The following FMN1 variants were observed in gnomAD, a reference collection of about 807,000 sequenced individuals.
FMN1 encodes the protein formin 1.
In FMN1, 110 loss-of-function variants were observed where a neutral mutation model predicts 132.4. The observed-to-expected ratio is 0.83, with a 90% CI of 0.71 to 0.97. The LOEUF (loss-of-function observed/expected upper bound fraction) is 0.97. FMN1 is among the 50% of genes least tolerant of loss of function. The pLI is 0.00. For synonymous variants in FMN1, 722 were observed against 651.7 expected, an observed-to-expected ratio of 1.11 and a Z score of -1.64; for missense variants, 1,792 against 1,705.3, an observed-to-expected ratio of 1.05 and a Z score of -0.90.
intron 4 of FMN1, among the ~76,000 whole-genome samples, chr15:33,115,036 G>A (rs1349388755): frequency 1.3e-5 from 2 of 152,072 alleles, no homozygotes; most frequent in African/African-American, 2.4e-5. Flanking sequence ...GAGTCCTCAA[G>A]ACTTCATCTA....
At chr15:33,027,388 T>C (rs1471657821) in intron 6 of FMN1, among the ~76,000 whole-genome samples, 3 of 152,222 alleles carry the variant, frequency 2.0e-5, no homozygotes. Flanking sequence ...AATTACTCAT[T>C]CACTCAGTTC....
chr15:33,156,273 GT>G (rs59517614), intron 3 of FMN1, among the ~76,000 whole-genome samples: 2,442 of 87,178 alleles, frequency 0.028, 52 homozygotes, highest in African/African-American at 0.057. Context: ...CACTCAAGTA[GT>G]TTTTTTTTTT....
At chr15:32,872,381 AGCAAAG>A (rs1249320327) in intron 16 of FMN1, among the ~76,000 whole-genome samples, 1 of 152,266 alleles carries the variant, frequency 6.6e-6, no homozygotes, top group African/African-American at 2.4e-5. Flanking sequence ...GTTAAAAGTC[AGCAAAG>A]GCAGAGCAAA....
At chr15:32,882,833 G>A (rs898084160) in intron 16 of FMN1, among the ~76,000 whole-genome samples, 5 of 152,148 alleles carry the variant, frequency 3.3e-5, no homozygotes, top group African/African-American at 7.2e-5. Flanking sequence ...TGCTTCCTAA[G>A]ATAATATCAA....
intron 3 of FMN1, among the ~76,000 whole-genome samples, chr15:33,166,742 A>AT (rs1339479656): frequency 6.6e-6 from 1 of 152,188 alleles, no homozygotes; most frequent in African/African-American, 2.4e-5. Context: ...ATCCAGCGTT[A>AT]TTTCACGAAA....
chr15:33,018,875 T>G (rs1476784471), intron 6 of FMN1, among the ~76,000 whole-genome samples: 1 of 152,174 alleles, frequency 6.6e-6, no homozygotes, highest in African/African-American at 2.4e-5. Context: ...CTGGAGTTGT[T>G]CGATCCTCCG....
At chr15:32,914,196 T>A (rs188840162) in intron 10 of FMN1, among the ~76,000 whole-genome samples, 134 of 152,348 alleles carry the variant, frequency 8.8e-4, no homozygotes, top group African/African-American at 2.5e-3. Context: ...TTTAAATAGC[T>A]GTATCTCCTT....
intron 4 of FMN1, among the ~76,000 whole-genome samples, chr15:33,142,376 C>T (rs569766545): frequency 6.6e-6 from 1 of 152,284 alleles, no homozygotes; most frequent in Middle Eastern, 3.4e-3. Flanking sequence ...TTCCATTTAA[C>T]TTAGGAAAAT....
At chr15:33,135,736 A>G (rs1020294805) in intron 4 of FMN1, among the ~76,000 whole-genome samples, 1 of 152,204 alleles carries the variant, frequency 6.6e-6, no homozygotes, top group Non-Finnish European at 1.5e-5. Flanking sequence ...TGTTCTTAAA[A>G]TATACTACTT....
chr15:33,046,806 T>C (rs1319051782), intron 6 of FMN1, among the ~76,000 whole-genome samples: 1 of 151,668 alleles, frequency 6.6e-6, no homozygotes, highest in Non-Finnish European at 1.5e-5. Context: ...TTATCCCCTG[T>C]AAACTTTTGA....
intron 6 of FMN1, among the ~76,000 whole-genome samples, chr15:33,010,932 T>C (rs1016889830): frequency 1.2e-4 from 18 of 151,618 alleles, no homozygotes; most frequent in African/African-American, 4.4e-4. Context: ...GAAAGACAAG[T>C]GGGCAAGCCA....
At chr15:32,774,944 G>GT (rs1254360254) in intron 20 of FMN1, among the ~76,000 whole-genome samples, 2 of 151,922 alleles carry the variant, frequency 1.3e-5, no homozygotes, top group African/African-American at 4.8e-5. Flanking sequence ...CTGGGAAGAC[G>GT]TAAGAATACA....
intron 16 of FMN1, among the ~76,000 whole-genome samples, chr15:32,872,114 C>T (rs1302298237): frequency 6.6e-6 from 1 of 151,688 alleles, no homozygotes; most frequent in East Asian, 1.9e-4. Context: ...TCAGCACTAG[C>T]AAAGCTGTCT....
intron 6 of FMN1, among the ~76,000 whole-genome samples, chr15:33,030,385 T>A (rs531575446): frequency 2.0e-5 from 3 of 152,332 alleles, no homozygotes; most frequent in African/African-American, 7.2e-5. Context: ...GAAAGTCACA[T>A]AATGTATTCC....
Position 33,027,902 on chromosome 15 carries a change from C to T in FMN1, c.2162-19827G>A, listed in dbSNP as rs139280085. 3.4e-4 allele frequency among the ~76,000 whole-genome samples: 52 copies of T among 152,234 alleles called. No homozygotes were observed. In the East Asian group the frequency reaches 8.5e-3, roughly 25 times the overall value. On this transcript the variant is annotated intron_variant, in intron 6 of 20. Transcript: ENST00000616417. ...GCTGCTCAAAGGTTGTACTAACAGG[C>T]TTCTGAAAATCAGTCATCCACATCT...
At chr15:33,011,644 A>C (rs1290451996) in intron 6 of FMN1, among the ~76,000 whole-genome samples, 1 of 152,154 alleles carries the variant, frequency 6.6e-6, no homozygotes, top group Non-Finnish European at 1.5e-5. Context: ...TTGACAATAG[A>C]TCAATCTATC....
At chr15:33,045,459 T>C (rs1224596760) in intron 6 of FMN1, among the ~76,000 whole-genome samples, 1 of 152,168 alleles carries the variant, frequency 6.6e-6, no homozygotes. Flanking sequence ...ATCCTGTAAT[T>C]GTATCTGCTG....
intron 17 of FMN1, among the ~76,000 whole-genome samples, chr15:32,830,299 C>T (rs1178134882): frequency 6.6e-6 from 1 of 152,126 alleles, no homozygotes; most frequent in East Asian, 1.9e-4. Flanking sequence ...AAAATAATCA[C>T]CCCTATTGTA....
intron 6 of FMN1, among the ~76,000 whole-genome samples, chr15:33,052,058 G>A (rs1028441600): frequency 6.6e-6 from 1 of 152,144 alleles, no homozygotes; most frequent in Non-Finnish European, 1.5e-5. Flanking sequence ...GGAAAGAATT[G>A]AGGCCGATGC....
Sources: allele counts gnomAD v4.1 joint callset (sites outside exome capture counted in the v4.1 genomes callset), GRCh38; gene constraint gnomAD v4.1.1; transcripts MANE v1.5; gene names NCBI Gene and HGNC (gene_info 2026-07-23, HGNC 2026-07-21).